The following STXBP5L variants were observed in gnomAD, a reference collection of about 807,000 sequenced individuals.
STXBP5L encodes syntaxin-binding protein 5-like.
STXBP5L carries 65 observed loss-of-function variants against 144.5 expected under a neutral mutation model. The ratio of observed to expected loss-of-function variants is 0.45; its 90% CI spans 0.37 to 0.55. The LOEUF is 0.55. STXBP5L is among the 20% of genes least tolerant of loss of function. The pLI is 0.00. For synonymous variants in STXBP5L, 505 were observed against 469.6 expected (o/e 1.08, Z -0.97); for missense variants, 1,298 against 1,405.5 (o/e 0.92, Z 1.22).
intron 2 of STXBP5L, among the ~76,000 whole-genome samples, chr3:120,923,001 T>G (rs1709430710): frequency 3.3e-5 from 5 of 152,030 alleles, no homozygotes; most frequent in Admixed American, 3.3e-4. Context: ...TGGGAGACTT[T>G]TTATTACTGC....
chr3:121,365,650 A>T, intron 20 of STXBP5L, among the ~76,000 whole-genome samples: 1 of 150,372 alleles, frequency 6.7e-6, no homozygotes, highest in Non-Finnish European at 1.5e-5. Context: ...TAGTAATTTG[A>T]CTCTTCTCTC....
At chr3:121,383,974 T>C (rs1429777115) in intron 22 of STXBP5L, among the ~76,000 whole-genome samples, 2 of 152,184 alleles carry the variant, frequency 1.3e-5, no homozygotes, top group Non-Finnish European at 2.9e-5. Context: ...TGACATGCTC[T>C]CTGACCTTGA....
chr3:121,418,416 A>G lies in STXBP5L; in HGVS notation c.3306A>G (p.Lys1102=), dbSNP rs2047288802. ...IPGPGSIEGM[K]GAAGGVMGEL... Reference sequence around the variant, plus strand: ...GACCAGGTAGTATAGAAGGGATGAAAGGCGCTGCTGGAGGGGTGATGGGAG... The same window carrying G: ...GACCAGGTAGTATAGAAGGGATGAAGGGCGCTGCTGGAGGGGTGATGGGAG... The change falls in exon 26 of 27, where the codon AAA becomes AAG. Residue 1102 remains lysine (K), a synonymous_variant. Coordinates refer to ENST00000471454, the MANE Select transcript of STXBP5L (RefSeq NM_001308330.2). 6.2e-7 allele frequency: 1 copy of G among 1,613,978 alleles called. No homozygotes were observed. Among genetic ancestry groups the G allele is most frequent in the Non-Finnish European group, 8.5e-7 (1 of 1,179,974 alleles).
intron 2 of STXBP5L, among the ~76,000 whole-genome samples, chr3:120,933,102 C>T (rs182250034): frequency 6.2e-4 from 94 of 151,270 alleles, no homozygotes; most frequent in Non-Finnish European, 9.9e-4. Context: ...TGTTAAATGA[C>T]GAGTTAATGG....
At chr3:121,367,110 A>G (rs2045885128) in intron 20 of STXBP5L, among the ~76,000 whole-genome samples, 1 of 152,194 alleles carries the variant, frequency 6.6e-6, no homozygotes, top group East Asian at 1.9e-4. Flanking sequence ...ACATGAACTA[A>G]TAATTCCTTT....
chr3:121,225,288 G>A (rs1044665856), intron 11 of STXBP5L, among the ~76,000 whole-genome samples: 1 of 152,000 alleles, frequency 6.6e-6, no homozygotes, highest in Non-Finnish European at 1.5e-5. Flanking sequence ...TATCATTGGT[G>A]TTGGATTGTG....
intron 5 of STXBP5L, among the ~76,000 whole-genome samples, chr3:121,060,818 A>G (rs1456914022): frequency 6.6e-6 from 1 of 152,174 alleles, no homozygotes; most frequent in South Asian, 2.1e-4. Context: ...CAATGGTGAT[A>G]TCCACTTTAT....
At chr3:121,371,889 T>C (rs115118530) in intron 20 of STXBP5L, among the ~76,000 whole-genome samples, 193 of 152,222 alleles carry the variant, frequency 1.3e-3, no homozygotes, top group African/African-American at 4.6e-3. Flanking sequence ...ACAACAATGG[T>C]GGTACCGCTG....
intron 10 of STXBP5L, among the ~76,000 whole-genome samples, chr3:121,217,659 T>C (rs1437204671): frequency 6.6e-6 from 1 of 152,122 alleles, no homozygotes; most frequent in Non-Finnish European, 1.5e-5. Context: ...CGCTTCACTT[T>C]CATATATTTT....
intron 2 of STXBP5L, among the ~76,000 whole-genome samples, chr3:120,940,701 C>CA (rs1710525124): frequency 6.6e-6 from 1 of 150,466 alleles, no homozygotes; most frequent in Non-Finnish European, 1.5e-5. Context: ...ATTGTTCTTT[C>CA]AGTCTTGTGT....
chr3:121,146,492 G>T (rs182369160), intron 7 of STXBP5L, among the ~76,000 whole-genome samples: 1 of 152,110 alleles, frequency 6.6e-6, no homozygotes, highest in East Asian at 1.9e-4. Flanking sequence ...AGGTAGCTTT[G>T]TTCTAAAATA....
intron 3 of STXBP5L, among the ~76,000 whole-genome samples, chr3:121,032,105 A>C (rs1405391289): frequency 6.6e-6 from 1 of 152,164 alleles, no homozygotes; most frequent in East Asian, 1.9e-4. Flanking sequence ...TTTTGGAATC[A>C]TAAACATATA....
chr3:120,980,808 T>C, intron 3 of STXBP5L, among the ~76,000 whole-genome samples: 1 of 152,182 alleles, frequency 6.6e-6, no homozygotes, highest in Non-Finnish European at 1.5e-5. Flanking sequence ...GTTCTATAAG[T>C]TTTTTATATT....
chr3:120,917,838 AAG>A (rs1478557607), intron 2 of STXBP5L, among the ~76,000 whole-genome samples: 3 of 152,196 alleles, frequency 2.0e-5, no homozygotes, highest in African/African-American at 7.2e-5. Flanking sequence ...AGGTAAATAA[AAG>A]CATGTGATTC....
At chr3:120,910,221 C>T (rs900852638) in intron 2 of STXBP5L, among the ~76,000 whole-genome samples, 1 of 152,040 alleles carries the variant, frequency 6.6e-6, no homozygotes, top group Admixed American at 6.5e-5. Context: ...TTTAAAATTC[C>T]GAATAAAAAC....
At chr3:120,941,252 C>A (rs1015620563) in intron 2 of STXBP5L, among the ~76,000 whole-genome samples, 1 of 151,504 alleles carries the variant, frequency 6.6e-6, no homozygotes, top group Non-Finnish European at 1.5e-5. Flanking sequence ...GTAATTAATA[C>A]GGTAGGGAAG....
chr3:121,302,080 T>A (rs537217111), intron 19 of STXBP5L, among the ~76,000 whole-genome samples: 1 of 152,176 alleles, frequency 6.6e-6, no homozygotes, highest in East Asian at 1.9e-4. Flanking sequence ...TAGGGAGGAT[T>A]CCCTCTTTTT....
intron 2 of STXBP5L, among the ~76,000 whole-genome samples, chr3:120,925,765 T>G (rs1234130360): frequency 6.6e-6 from 1 of 152,242 alleles, no homozygotes; most frequent in Admixed American, 6.5e-5. Context: ...TGATTTTCTC[T>G]AGTAATATGT....
At chr3:121,045,179 A>G (rs79431794) in intron 4 of STXBP5L, among the ~76,000 whole-genome samples, 16,994 of 152,060 alleles carry the variant, frequency 0.11, 1,047 homozygotes, top group Non-Finnish European at 0.14. Flanking sequence ...ATAATAATTA[A>G]TCCTCTCTAT....
Sources: allele counts gnomAD v4.1 joint callset (sites outside exome capture counted in the v4.1 genomes callset), GRCh38; gene constraint gnomAD v4.1.1; transcripts MANE v1.5; gene names NCBI Gene and HGNC (gene_info 2026-07-23, HGNC 2026-07-21).